Variants in AGBL1 observed in about 807,000 individuals in gnomAD.
AGBL1 encodes cytosolic carboxypeptidase 4.
In AGBL1, 130 loss-of-function variants were observed where a neutral mutation model predicts 118.9. The observed-to-expected ratio is 1.09, with a 90% CI of 0.95 to 1.26. The LOEUF is 1.26. Ranked by LOEUF, AGBL1 falls within the 50% of genes most tolerant of loss-of-function variation. AGBL1 has a pLI of 0.00. For missense variants in AGBL1, 1,584 were observed against 1,298.1 expected, an observed-to-expected ratio of 1.22 and a Z score of -3.38; for synonymous variants, 555 against 478.9, an observed-to-expected ratio of 1.16 and a Z score of -2.08.
rs138500925 is a variant in AGBL1 at position 86,204,752 on chromosome 15, G to A, written c.489-20162G>A. Among the ~76,000 whole-genome samples the A allele has an allele frequency of 5.9e-5, 9 of 152,202 alleles. No homozygotes were observed. In the East Asian group the frequency reaches 1.5e-3, roughly 26 times the overall value. ...CTACAGGCGTGCACCACCATGCCCA[G>A]CTAATTTTTGCGTTTTTAGTAGAGA... On this transcript the variant is annotated intron_variant, in intron 5 of 22. Transcript: ENST00000614907.
At position 86,930,686 on chromosome 15, in the gene AGBL1, A is replaced by G. The variant is rs376354420; in HGVS notation, c.3222-57301A>G. Among the ~76,000 whole-genome samples, 5 of 152,286 alleles carry G rather than the reference A, an allele frequency of 3.3e-5. No individual in the cohort carries two copies. In the East Asian group the frequency reaches 7.7e-4, roughly 24 times the overall value. On this transcript the variant is annotated intron_variant, in intron 23 of 24. Coordinates refer to the AGBL1 transcript ENST00000441037. ...AGGGTCCATGAAAAAAATGATAAAA[A>G]AGAAAATACTCAGAATAATTCAACA...
At chr15:86,215,226 T>TGC (rs1191804280) in intron 5 of AGBL1, among the ~76,000 whole-genome samples, 1 of 74,980 alleles carries the variant, frequency 1.3e-5, no homozygotes, top group African/African-American at 4.9e-5. Context: ...TATGTATGCG[T>TGC]GTGTGTGTGT....
intron 1 of AGBL1, among the ~76,000 whole-genome samples, chr15:86,123,778 A>G (rs1898235822): frequency 6.6e-6 from 1 of 152,206 alleles, no homozygotes; most frequent in African/African-American, 2.4e-5. Context: ...CACCTTGAGC[A>G]CATGTTCTCA....
intron 5 of AGBL1, among the ~76,000 whole-genome samples, chr15:86,189,559 C>T (rs1013786686): frequency 6.6e-6 from 1 of 152,104 alleles, no homozygotes; most frequent in Non-Finnish European, 1.5e-5. Flanking sequence ...AGTTGGTTCT[C>T]ATTCCATTAG....
intron 22 of AGBL1, among the ~76,000 whole-genome samples, chr15:86,758,392 G>T (rs928820240): frequency 6.6e-6 from 1 of 152,036 alleles, no homozygotes; most frequent in African/African-American, 2.4e-5. Context: ...GAGTAGTTTG[G>T]GCTATTATAT....
chr15:86,628,522 C>T lies in AGBL1; in HGVS notation c.2995-45751C>T, dbSNP rs1022288363. 5.3e-5 allele frequency among the ~76,000 whole-genome samples: 8 copies of T among 152,220 alleles called. 1 individual carries two copies. The East Asian group carries it at 7.7e-4, about 15-fold the overall frequency. ...TTCTTTAAAAAAATTTTTGGCTGGG[C>T]GCAGTGGCTCATGCCTGTAATCCCA... On this transcript the variant is annotated intron_variant, in intron 21 of 22. Coordinates refer to ENST00000614907, the MANE Select transcript of AGBL1 (RefSeq NM_001386094.1).
At chr15:86,635,387 T>A (rs2085066684) in intron 21 of AGBL1, among the ~76,000 whole-genome samples, 1 of 148,662 alleles carries the variant, frequency 6.7e-6, no homozygotes, top group Non-Finnish European at 1.5e-5. Flanking sequence ...CTCTTATTCC[T>A]CTTCCTCCTC....
intron 21 of AGBL1, among the ~76,000 whole-genome samples, chr15:86,556,872 G>A (rs1944930342): frequency 6.6e-6 from 1 of 151,998 alleles, no homozygotes; most frequent in Admixed American, 6.6e-5. Context: ...AGTTTCTCTG[G>A]TTAATGCAGC....
In AGBL1 at chr15:86,615,857, A is replaced by T. The variant is rs576118928; in HGVS notation, c.2995-58416A>T. On this transcript the variant is annotated intron_variant, in intron 21 of 22. Transcript: ENST00000614907. The surrounding 1 kb of genome is among the most constrained non-coding windows in gnomAD (Gnocchi z 4.3). ...CTGTTGTAAAATGAAAAATTAATTA[A>T]TAGGGATGACAGTGTTGGGGTTATA... Among the ~76,000 whole-genome samples the T allele has an allele frequency of 6.6e-6, 1 of 152,278 alleles. No individual in the cohort carries two copies. The highest frequency in any genetic ancestry group is 2.1e-4 in the South Asian group (1 of 4,830).
intron 22 of AGBL1, among the ~76,000 whole-genome samples, chr15:86,865,193 G>A (rs2079608674): frequency 6.6e-6 from 1 of 152,172 alleles, no homozygotes; most frequent in Non-Finnish European, 1.5e-5. Context: ...TTTAGGAAAT[G>A]CTTGCAGATA....
rs1015893893 is a variant in AGBL1, at chr15:86,517,884, C to T, written c.2556-4926C>T. Among the ~76,000 whole-genome samples, 122 of 152,162 alleles carry T rather than the reference C, an allele frequency of 8.0e-4. 9 individuals are homozygous for T. The highest frequency in any genetic ancestry group is 2.9e-5 in the Non-Finnish European group (2 of 68,036). On this transcript the variant is annotated intron_variant, in intron 18 of 22. Coordinates refer to ENST00000614907, the MANE Select transcript of AGBL1 (RefSeq NM_001386094.1). Reference sequence around the variant, plus strand: ...GCCGATAGTCCCCCATGCTCTTCGTCGTGTTCTTGAAGCTTTCATGCATCT... The same window carrying T: ...GCCGATAGTCCCCCATGCTCTTCGTTGTGTTCTTGAAGCTTTCATGCATCT...
At chr15:86,230,377 A>G (rs1281549043) in intron 6 of AGBL1, among the ~76,000 whole-genome samples, 1 of 152,204 alleles carries the variant, frequency 6.6e-6, no homozygotes, top group Non-Finnish European at 1.5e-5. Flanking sequence ...GAATTCTAAG[A>G]GTTCCAAGGA....
intron 22 of AGBL1, among the ~76,000 whole-genome samples, chr15:86,889,721 T>A (rs1052588827): frequency 1.3e-5 from 2 of 152,224 alleles, no homozygotes; most frequent in Non-Finnish European, 2.9e-5. Flanking sequence ...GCAAAGGACA[T>A]GATCTCATTC....
intron 18 of AGBL1, among the ~76,000 whole-genome samples, chr15:86,450,805 C>G (rs16977271): frequency 0.022 from 3,419 of 152,282 alleles, 53 homozygotes; most frequent in Middle Eastern, 0.078. Flanking sequence ...TAAAAATTCT[C>G]TAGCTGAGTA....
intron 19 of AGBL1, among the ~76,000 whole-genome samples, chr15:86,535,854 G>C (rs1252216513): frequency 1.3e-5 from 2 of 152,140 alleles, no homozygotes; most frequent in East Asian, 3.9e-4. Flanking sequence ...TTATACACAT[G>C]AATTGTTTTA....
chr15:86,685,182 C>T (rs747022672), intron 22 of AGBL1, among the ~76,000 whole-genome samples: 1 of 152,136 alleles, frequency 6.6e-6, no homozygotes, highest in Non-Finnish European at 1.5e-5. Context: ...TCAATAGGTA[C>T]TATTTTCTGT....
chr15:86,867,899 C>A (rs1282527411), intron 22 of AGBL1, among the ~76,000 whole-genome samples: 1 of 151,974 alleles, frequency 6.6e-6, no homozygotes, highest in Non-Finnish European at 1.5e-5. Context: ...ACAGATATCC[C>A]AATGAACCCA....
At chr15:86,172,012 T>C (rs1321802132) in intron 5 of AGBL1, among the ~76,000 whole-genome samples, 1 of 152,158 alleles carries the variant, frequency 6.6e-6, no homozygotes, top group Admixed American at 6.5e-5. Flanking sequence ...GTCATAAGAA[T>C]GTTAAAATGG....
At chr15:86,217,153 T>C (rs1374980868) in intron 5 of AGBL1, among the ~76,000 whole-genome samples, 1 of 152,222 alleles carries the variant, frequency 6.6e-6, no homozygotes, top group Non-Finnish European at 1.5e-5. Flanking sequence ...AATACTAATT[T>C]AGTGGGCTTT....
Sources: gnomAD v4.1 joint callset for allele counts (sites outside exome capture counted in the v4.1 genomes callset) on GRCh38, gnomAD v4.1.1 for gene constraint, Gnocchi (gnomAD v3.1) non-coding constraint, MANE v1.5 for transcripts, NCBI Gene and HGNC (gene_info 2026-07-23, HGNC 2026-07-21) for gene names.